Variants in CHD3 observed in about 807,000 individuals in gnomAD.
The protein encoded by CHD3 is chromodomain helicase DNA binding protein 3.
CHD3 carries 52 observed loss-of-function variants against 248.9 expected under a neutral mutation model. The observed-to-expected ratio is 0.21, with a 90% CI of 0.17 to 0.26. The LOEUF (loss-of-function observed/expected upper bound fraction) is 0.26, where lower values mean the gene tolerates loss of function less well. Ranked by LOEUF, CHD3 falls within the 10% of genes least tolerant of loss-of-function variation. CHD3 has a pLI of 1.00. For synonymous variants in CHD3, 985 were observed against 985.2 expected (o/e 1.00, Z 0.00); for missense variants, 1,482 against 2,605.8 (o/e 0.57, Z 9.39).
chr17:7,909,247 C>CGCCGAG lies in CHD3; in HGVS notation c.5506_5511dup (p.Ala1836_Glu1837dup). 1 of 1,553,492 alleles carries CGCCGAG rather than the reference C, an allele frequency of 6.4e-7. No homozygotes were observed. The highest frequency in any genetic ancestry group is 8.7e-7 in the Non-Finnish European group (1 of 1,149,782). ...CCGCCATGGCCCTCCACGCCCGCTT[C>CGCCGAG]GCCGAGGCCGAGTGCCTGGCCGAGA... On this transcript the variant is annotated inframe_insertion, in exon 37 of 40. Coordinates refer to ENST00000330494, the MANE Select transcript of CHD3 (RefSeq NM_001005273.3). This position sits in a 1 kb window ranked among gnomAD's most constrained non-coding sequence, Gnocchi z 8.1.
At position 7,911,087 on chromosome 17, in the gene CHD3, G is replaced by A. The variant is rs537697178; in HGVS notation, c.5881+114G>A. ...CCATCTCATTTCCTTGGTGGTATCC[G>A]GTGTTTTATGGGATAGAGTTGTTCT... On this transcript the variant is annotated intron_variant, in intron 39 of 39. Coordinates refer to ENST00000330494, the MANE Select transcript of CHD3 (RefSeq NM_001005273.3). The surrounding 1 kb of genome is among the most constrained non-coding windows in gnomAD (Gnocchi z 5.4). 1.5e-5 allele frequency: 21 copies of A among 1,422,336 alleles called. No individual in the cohort carries two copies. The highest frequency in any genetic ancestry group is 1.9e-5 in the Non-Finnish European group (20 of 1,025,666). The allele number at this position is 1,422,336 out of a possible 1,614,324, so 88.1% of individuals were successfully genotyped here. A position where few individuals can be genotyped will look rare whatever the true frequency, so the allele number is the denominator to read the frequency against.
At chr17:7,898,182 A>G (rs1969910693) in intron 12 of CHD3, 80 bp downstream of exon 12, 5 of 1,540,746 alleles carry the variant, frequency 3.2e-6, no homozygotes, top group Non-Finnish European at 4.4e-6. Context: ...AAATGAGGGT[A>G]CAGTAGGGCC....
At position 7,903,682 on chromosome 17, in the gene CHD3, C is replaced by A. The variant is rs1597981421; in HGVS notation, c.3728-143C>A. 1 of 1,112,560 alleles carries A rather than the reference C, an allele frequency of 9.0e-7. No individual in the cohort carries two copies. Among genetic ancestry groups the A allele is most frequent in the Non-Finnish European group, 1.3e-6 (1 of 787,788 alleles). The allele number at this position is 1,112,560 out of a possible 1,614,324, so 68.9% of individuals were successfully genotyped here. ...TCTTTGCCTGTAGGGTTAAAACAAA[C>A]AAAACAAAAACCTTTCAACATTGGC... On this transcript the variant is annotated intron_variant, in intron 23 of 39. Transcript: ENST00000330494. The surrounding 1 kb of genome is among the most constrained non-coding windows in gnomAD (Gnocchi z 6.8).
chr17:7,890,692 A>G lies in CHD3; in HGVS notation c.335A>G (p.Glu112Gly), dbSNP rs1467199008. 6.3e-7 allele frequency: 1 copy of G among 1,597,098 alleles called. No homozygotes were observed. The highest frequency in any genetic ancestry group is 8.5e-7 in the Non-Finnish European group (1 of 1,173,284). Residue 112 changes from glutamate (E) to glycine (G), a missense_variant, in exon 3 of 40, where the codon GAG (glutamate) becomes GGG (glycine). Transcript: ENST00000330494. ...KRRRKHREKKEKKTKRRKKGE... is the reference protein window; with the variant it reads ...KRRRKHREKKGKKTKRRKKGE... ...AGAAGGAAGCACCGAGAAAAAAAGG[A>G]GAAGAAGACAAAGCGGCGGAAAAAG...
At chr17:7,892,275 C>T (rs1968980816) in intron 4 of CHD3, among the ~76,000 whole-genome samples, 1 of 152,178 alleles carries the variant, frequency 6.6e-6, no homozygotes, top group Non-Finnish European at 1.5e-5. Context: ...CTCTTTCACA[C>T]TCCGTCCTAC....
rs1438742954 is a variant in CHD3 at position 7,897,423 on chromosome 17, CCA to C, written c.1919+130_1919+131del. On this transcript the variant is annotated intron_variant, in intron 11 of 39. Coordinates refer to ENST00000330494, the MANE Select transcript of CHD3 (RefSeq NM_001005273.3). This position sits in a 1 kb window ranked among gnomAD's most constrained non-coding sequence, Gnocchi z 4.8. Reference sequence around the variant, plus strand: ...AACCTTGATAACCTCTGCTGTAGCTCCAGCCTTTCTGGCCTTGTTTCCTCCAG... The same window carrying C: ...AACCTTGATAACCTCTGCTGTAGCTCGCCTTTCTGGCCTTGTTTCCTCCAG... The C allele has an allele frequency of 2.4e-6, 2 of 832,648 alleles. No individual in the cohort carries two copies. Among genetic ancestry groups the C allele is most frequent in the Non-Finnish European group, 3.7e-6 (2 of 534,248 alleles). 51.6% of individuals were successfully genotyped at this position (832,648 alleles called of 1,614,324 possible). A position where few individuals can be genotyped will look rare whatever the true frequency, so the allele number is the denominator to read the frequency against.
chr17:7,896,660 C>T (rs372995008), intron 10 of CHD3, among the ~76,000 whole-genome samples: 4 of 151,318 alleles, frequency 2.6e-5, no homozygotes, highest in Admixed American at 6.6e-5. Flanking sequence ...CTGCCTCTGC[C>T]TCCCAAAGTG....
chr17:7,910,782 C>T lies in CHD3; in HGVS notation c.5755-65C>T, dbSNP rs537870843. The T allele has an allele frequency of 1.0e-4, 163 of 1,563,054 alleles. No homozygotes were observed. Among genetic ancestry groups the T allele is most frequent in the Non-Finnish European group, 1.3e-4 (149 of 1,157,650 alleles). Reference sequence around the variant, plus strand: ...GTGGAGTGTGGCTCATAATGTCTCTCCTACAGCTTCTTTCCTCTCACAGAC... The same window carrying T: ...GTGGAGTGTGGCTCATAATGTCTCTTCTACAGCTTCTTTCCTCTCACAGAC... On this transcript the variant is annotated intron_variant, in intron 38 of 39. Coordinates refer to ENST00000330494, the MANE Select transcript of CHD3 (RefSeq NM_001005273.3). This position sits in a 1 kb window ranked among gnomAD's most constrained non-coding sequence, Gnocchi z 4.7.
At position 7,905,692 on chromosome 17, in the gene CHD3, G is replaced by C; in HGVS notation, c.4210G>C (p.Gly1404Arg). The C allele has an allele frequency of 6.2e-7, 1 of 1,611,830 alleles. No individual in the cohort carries two copies. The highest frequency in any genetic ancestry group is 8.5e-7 in the Non-Finnish European group (1 of 1,178,660). ...ACTGCCTCCACTGCTGGCCCGAGTC[G>C]GGGGCAACATTGAGGTGAGAGCTGG... ...KPLPPLLARV[G>R]GNIEVLGFNT... is the part of the protein sequence containing the mutation. The change falls in exon 27 of 40, where the codon GGG becomes CGG. Residue 1404 changes from glycine (G) to arginine (R), a missense_variant. By Grantham distance (125) the Gly-to-Arg change is moderately radical (BLOSUM62 -2). This residue lies in a region of CHD3 where 156 missense variants were observed against 420.3 expected (regional missense o/e 0.37). Transcript: ENST00000330494. The surrounding 1 kb of genome is among the most constrained non-coding windows in gnomAD (Gnocchi z 5.8).
Position 7,902,420 on chromosome 17 carries a change from C to CA in CHD3, c.3253-181dup, listed in dbSNP as rs200617599. On this transcript the variant is annotated intron_variant, in intron 20 of 39. Coordinates refer to ENST00000330494, the MANE Select transcript of CHD3 (RefSeq NM_001005273.3). ...AGGGCAACAGAATGAGACTCCATCTCAAAAAAAAATAAAAATAAATAAAAA... is the reference window on the plus strand; with the variant it reads ...AGGGCAACAGAATGAGACTCCATCTCAAAAAAAAAATAAAAATAAATAAAAA... Among the ~76,000 whole-genome samples the CA allele has an allele frequency of 2.5e-3, 354 of 144,478 alleles. 3 individuals carry two copies. Among genetic ancestry groups the CA allele is most frequent in the African/African-American group, 8.4e-3 (328 of 38,954 alleles). The allele number at this position is 144,478 out of a possible 152,430, so 94.8% of individuals were successfully genotyped here.
chr17:7,899,208 G>A lies in CHD3; in HGVS notation c.2343+6G>A, dbSNP rs781256029. Reference sequence around the variant, plus strand: ...TCTACTCACTCTACAAGGAGGTGCTGGATTCTAGGACCTTGAAGGGGACCG... The same window carrying A: ...TCTACTCACTCTACAAGGAGGTGCTAGATTCTAGGACCTTGAAGGGGACCG... On this transcript the variant is annotated splice_donor_region_variant and intron_variant, in intron 14 of 39. Coordinates refer to ENST00000330494, the MANE Select transcript of CHD3 (RefSeq NM_001005273.3). The surrounding 1 kb of genome is among the most constrained non-coding windows in gnomAD (Gnocchi z 6.8). The A allele has an allele frequency of 1.2e-6, 2 of 1,611,960 alleles. No individual in the cohort carries two copies. The highest frequency in any genetic ancestry group is 2.2e-5 in the South Asian group (2 of 91,054).
Position 7,905,284 on chromosome 17 carries a change from T to G in CHD3, c.4138+119T>G, listed in dbSNP as rs1177437749. 1 of 899,152 alleles carries G rather than the reference T, an allele frequency of 1.1e-6. No homozygotes were observed. The highest frequency in any genetic ancestry group is 1.8e-6 in the Non-Finnish European group (1 of 549,454). The allele number at this position is 899,152 out of a possible 1,614,324, so 55.7% of individuals were successfully genotyped here. ...TCGTGTGTGTGTGGAAAAACTCGAT[T>G]GCAGATGAGCAGAAAGGAAGAAATA... On this transcript the variant is annotated intron_variant, in intron 26 of 39. Transcript: ENST00000330494. This position sits in a 1 kb window ranked among gnomAD's most constrained non-coding sequence, Gnocchi z 5.8.
In CHD3 at chr17:7,903,955, C is replaced by T. The variant is rs1970601689; in HGVS notation, c.3858C>T (p.Phe1286=). 6.2e-7 allele frequency: 1 copy of T among 1,614,144 alleles called. No homozygotes were observed. Among genetic ancestry groups the T allele is most frequent in the Non-Finnish European group, 8.5e-7 (1 of 1,180,034 alleles). The change falls in exon 24 of 40, where the codon TTC becomes TTT. Residue 1286 remains phenylalanine, a synonymous_variant. Transcript: ENST00000330494. The surrounding 1 kb of genome is among the most constrained non-coding windows in gnomAD (Gnocchi z 6.8). ...VQNMNEYLSS[F]KVAQYVVREE... ...ACATGAATGAGTATCTCAGCTCCTT[C>T]AAGGTGGCACAGTACGTCGTGCGGG...
Position 7,898,044 on chromosome 17 carries a change from G to A in CHD3, c.1993G>A (p.Glu665Lys), listed in dbSNP as rs2151550223. The change falls in exon 12 of 40, where the codon GAA (glutamate) becomes AAA (lysine). Residue 665 changes from glutamate (E) to lysine (K), a missense_variant. Physicochemically the swap from Glu to Lys is moderately conservative, Grantham distance 56 (BLOSUM62 1). Transcript: ENST00000330494. ...DLPYDQSTWE[E>K]DEMNIPEYEE... ...ACCATATGACCAGTCCACGTGGGAGGAAGATGAAATGAATATCCCTGAATA... is the reference window on the plus strand; with the variant it reads ...ACCATATGACCAGTCCACGTGGGAGAAAGATGAAATGAATATCCCTGAATA... 3 of 1,614,152 alleles carry A rather than the reference G, an allele frequency of 1.9e-6. No homozygotes were observed. The highest frequency in any genetic ancestry group is 1.7e-6 in the Non-Finnish European group (2 of 1,179,984).
At chr17:7,896,966 TCCTTTTTCATAGCTC>T in intron 10 of CHD3, 102 bp from the exon 11 acceptor site, 1 of 839,300 alleles carries the variant, frequency 1.2e-6, no homozygotes, top group South Asian at 1.6e-5. Context: ...GGCCAATCCA[TCCTTTTTCATAGCTC>T]CCTTTCCCTG....
rs187208318 is a variant in CHD3, at chr17:7,894,826, T to C, written c.1270-91T>C. 8 of 1,558,224 alleles carry C rather than the reference T, an allele frequency of 5.1e-6. No homozygotes were observed. The East Asian group carries it at 6.7e-5, about 13-fold the overall frequency. ...TTCCCACCAGTCTTCTCTGCACTTC[T>C]AGGATTCAGGTGTCCTGTCTTTGCC... On this transcript the variant is annotated intron_variant, in intron 8 of 39. Coordinates refer to ENST00000330494, the MANE Select transcript of CHD3 (RefSeq NM_001005273.3).
upstream of CHD3, among the ~76,000 whole-genome samples, chr17:7,886,203 C>T (rs934129047): frequency 6.6e-6 from 1 of 152,254 alleles, no homozygotes; most frequent in Non-Finnish European, 1.5e-5. This position sits in a 1 kb window ranked among gnomAD's most constrained non-coding sequence, Gnocchi z 4.2. Flanking sequence ...ACCCGTCCCC[C>T]GAGGTGACAA....
In CHD3 at chr17:7,906,143, G is replaced by A. The variant is rs1432752402; in HGVS notation, c.4358+154G>A. The A allele has an allele frequency of 5.8e-6, 7 of 1,207,588 alleles. No individual in the cohort carries two copies. The highest frequency in any genetic ancestry group is 8.5e-6 in the Non-Finnish European group (7 of 823,170). The allele number at this position is 1,207,588 out of a possible 1,614,324, so 74.8% of individuals were successfully genotyped here. On this transcript the variant is annotated intron_variant, in intron 28 of 39. Transcript: ENST00000330494. The surrounding 1 kb of genome is among the most constrained non-coding windows in gnomAD (Gnocchi z 5.0). ...TTCCTGGCTCGATTTCCTGGGGGGT[G>A]GTCTCAGCCCACTCCACCTCCCCTC...
chr17:7,898,840 C>T (rs1456138532), intron 13 of CHD3, among the ~76,000 whole-genome samples, 171 bp from the exon 14 acceptor site: 8 of 152,108 alleles, frequency 5.3e-5, no homozygotes, highest in Admixed American at 5.2e-4. Flanking sequence ...TGGATATTGT[C>T]TTAAGGAATG....
Sources: gnomAD v4.1 joint callset for allele counts (sites outside exome capture counted in the v4.1 genomes callset) on GRCh38, gnomAD v4.1.1 for gene constraint, gnomAD v4.1.1 regional missense constraint, Gnocchi (gnomAD v3.1) non-coding constraint, MANE v1.5 for transcripts, NCBI Gene and HGNC (gene_info 2026-07-23, HGNC 2026-07-21) for gene names.